The following CSMD3 variants were observed in gnomAD, a reference collection of about 807,000 sequenced individuals.
CSMD3 encodes CUB and sushi domain-containing protein 3.
A neutral mutation model predicts 435.2 loss-of-function variants in CSMD3; 177 were observed. That is an observed-to-expected ratio of 0.41 (90% CI 0.36 to 0.46). The LOEUF is 0.46. Ranked by LOEUF, CSMD3 falls within the 20% of genes least tolerant of loss-of-function variation. The pLI is 0.34. For missense variants in CSMD3, 4,265 were observed against 4,504.6 expected, an observed-to-expected ratio of 0.95 and a Z score of 1.52; for synonymous variants, 1,656 against 1,520.5, an observed-to-expected ratio of 1.09 and a Z score of -2.07.
intron 37 of CSMD3, among the ~76,000 whole-genome samples, chr8:112,382,291 C>CAAA (rs11384093): frequency 9.2e-4 from 108 of 116,768 alleles, no homozygotes; most frequent in Non-Finnish European, 1.2e-3. Flanking sequence ...CTCTAAAATG[C>CAAA]AAAAAAAAAA....
intron 47 of CSMD3, among the ~76,000 whole-genome samples, chr8:112,317,844 A>G (rs1822616141): frequency 6.6e-6 from 1 of 152,100 alleles, no homozygotes; most frequent in South Asian, 2.1e-4. Context: ...GACTTGTTAT[A>G]GCAGCTAAGA....
At chr8:112,914,401 A>T (rs748051243) in intron 10 of CSMD3, among the ~76,000 whole-genome samples, 1 of 151,810 alleles carries the variant, frequency 6.6e-6, no homozygotes, top group Admixed American at 6.6e-5. Flanking sequence ...CAAAACATCC[A>T]TTCATTCAAA....
intron 4 of CSMD3, among the ~76,000 whole-genome samples, chr8:113,131,632 A>G (rs1182469458): frequency 6.6e-6 from 1 of 152,118 alleles, no homozygotes; most frequent in Non-Finnish European, 1.5e-5. Flanking sequence ...CTCCGCTAGG[A>G]AAGTGCAGAA....
At chr8:112,462,266 G>A (rs1817524231) in intron 32 of CSMD3, among the ~76,000 whole-genome samples, 1 of 152,152 alleles carries the variant, frequency 6.6e-6, no homozygotes, top group African/African-American at 2.4e-5. Context: ...CAGGACAACT[G>A]CAGAACTTAT....
intron 2 of CSMD3, chr8:113,314,266 T>A (rs1317161341): frequency 6.3e-6 from 2 of 316,884 alleles, no homozygotes; most frequent in Non-Finnish European, 1.2e-5. Flanking sequence ...AAAAGTTATA[T>A]CCATAATGAA....
chr8:113,323,680 A>G (rs1227467801), intron 1 of CSMD3, among the ~76,000 whole-genome samples: 1 of 152,210 alleles, frequency 6.6e-6, no homozygotes, highest in East Asian at 1.9e-4. Flanking sequence ...AATTTTATTC[A>G]CATGTTCTTT....
At chr8:112,573,251 A>T (rs1829679125) in intron 24 of CSMD3, among the ~76,000 whole-genome samples, 1 of 152,142 alleles carries the variant, frequency 6.6e-6, no homozygotes, top group Non-Finnish European at 1.5e-5. Flanking sequence ...TACCTAAGTA[A>T]ATAAACCCGA....
intron 2 of CSMD3, among the ~76,000 whole-genome samples, chr8:113,281,214 T>C (rs568661411): frequency 1.3e-5 from 2 of 151,964 alleles, no homozygotes; most frequent in African/African-American, 2.4e-5. Context: ...TTTAAATCCA[T>C]TGTTTCTTTG....
intron 3 of CSMD3, among the ~76,000 whole-genome samples, chr8:113,256,921 A>C (rs892940544): frequency 6.6e-6 from 1 of 152,216 alleles, no homozygotes; most frequent in Middle Eastern, 3.2e-3. Context: ...TGTGTAAAAT[A>C]AGAATCAGCA....
At chr8:112,742,074 G>GT (rs2077325394) in intron 13 of CSMD3, among the ~76,000 whole-genome samples, 1 of 151,782 alleles carries the variant, frequency 6.6e-6, no homozygotes. Context: ...GATGCTCAGG[G>GT]TGTAAGACAA....
intron 3 of CSMD3, among the ~76,000 whole-genome samples, chr8:113,180,768 C>T (rs1437062680): frequency 2.0e-5 from 3 of 151,996 alleles, no homozygotes; most frequent in Non-Finnish European, 4.4e-5. Flanking sequence ...CACATTGCCA[C>T]CATGTGATTT....
chr8:112,425,029 A>G (rs1812922553), intron 32 of CSMD3, among the ~76,000 whole-genome samples: 1 of 152,204 alleles, frequency 6.6e-6, no homozygotes, highest in African/African-American at 2.4e-5. Context: ...AATGTTTCTT[A>G]AATATCAGTT....
At chr8:112,585,265 T>C (rs1830635473) in intron 23 of CSMD3, among the ~76,000 whole-genome samples, 1 of 151,666 alleles carries the variant, frequency 6.6e-6, no homozygotes, top group African/African-American at 2.4e-5. Flanking sequence ...ATTTAGTATA[T>C]AATATTTTCA....
intron 25 of CSMD3, among the ~76,000 whole-genome samples, chr8:112,555,888 A>C (rs1828070269): frequency 3.3e-5 from 5 of 151,996 alleles, no homozygotes. Context: ...ATTATACCTC[A>C]GTACACCTTC....
At chr8:113,232,415 G>A (rs1037796081) in intron 3 of CSMD3, among the ~76,000 whole-genome samples, 8 of 151,338 alleles carry the variant, frequency 5.3e-5, no homozygotes, top group East Asian at 1.9e-4. Flanking sequence ...ATATTTTAAC[G>A]TGCACGAAAA....
chr8:113,086,093 C>CAAA lies in CSMD3; in HGVS notation c.917+12660_917+12662dup, dbSNP rs376894580. Among the ~76,000 whole-genome samples the CAAA allele has an allele frequency of 3.3e-5, 5 of 151,350 alleles. No individual in the cohort carries two copies. In the East Asian group the frequency reaches 7.8e-4, roughly 24 times the overall value. ...TCTACTAAAAATAAACACACACACA[C>CAAA]AAAAATTAGCCAGGCGTGGGTGGCG... On this transcript the variant is annotated intron_variant, in intron 5 of 70. Transcript: ENST00000297405.
At chr8:112,526,851 G>A (rs746096544) in intron 27 of CSMD3, among the ~76,000 whole-genome samples, 1 of 151,890 alleles carries the variant, frequency 6.6e-6, no homozygotes, top group Non-Finnish European at 1.5e-5. Context: ...TACACTATTA[G>A]AGGGTTCTTA....
intron 8 of CSMD3, among the ~76,000 whole-genome samples, chr8:112,953,065 C>T (rs2083884703): frequency 6.6e-6 from 1 of 151,308 alleles, no homozygotes; most frequent in Non-Finnish European, 1.5e-5. Context: ...TTTCCCTGAA[C>T]ATTTGGAAGT....
chr8:112,674,962 T>C (rs2075740365), intron 16 of CSMD3, among the ~76,000 whole-genome samples: 1 of 152,096 alleles, frequency 6.6e-6, no homozygotes, highest in African/African-American at 2.4e-5. Context: ...TAAAGACATA[T>C]AGATCTCCCT....
Sources: allele counts gnomAD v4.1 joint callset (sites outside exome capture counted in the v4.1 genomes callset), GRCh38; gene constraint gnomAD v4.1.1; transcripts MANE v1.5; gene names NCBI Gene and HGNC (gene_info 2026-07-23, HGNC 2026-07-21).